OCIAD1: variants seen among roughly 807,000 people sequenced by gnomAD.
OCIAD1 encodes the protein OCIA domain containing 1, also known as OCIA domain-containing protein 1.
In OCIAD1, 29 loss-of-function variants were observed where a neutral mutation model predicts 38.9. The ratio of observed to expected loss-of-function variants is 0.74; its 90% CI spans 0.55 to 1.02. OCIAD1 has a LOEUF of 1.02. Among genes scored for constraint, OCIAD1 ranks in the 50% least tolerant of loss-of-function variants. The pLI, the probability that OCIAD1 is intolerant of heterozygous loss-of-function variation, is 0.00. For synonymous variants in OCIAD1, 110 were observed against 92.0 expected (o/e 1.20, Z -1.12); for missense variants, 288 against 289.6 (o/e 0.99, Z 0.04).
intron 1 of OCIAD1, among the ~76,000 whole-genome samples, chr4:48,812,225 G>A (rs1309174757): frequency 1.6e-5 from 2 of 126,756 alleles, no homozygotes; most frequent in African/African-American, 6.0e-5. Flanking sequence ...GGAGGTTGCA[G>A]TGAGCCGAAA....
At chr4:48,856,341 T>C (rs1010670068) in intron 7 of OCIAD1, 3 of 152,238 alleles carry the variant, frequency 2.0e-5, no homozygotes, top group Non-Finnish European at 2.9e-5. Flanking sequence ...ACAACACATA[T>C]TCTGATTAAA....
intron 1 of OCIAD1, chr4:48,831,460 G>A: frequency 7.8e-7 from 1 of 1,286,196 alleles, no homozygotes. Context: ...CGTGGTCACG[G>A]ATGCGTGTGG....
chr4:48,809,096 T>C (rs1223536185), intron 1 of OCIAD1, among the ~76,000 whole-genome samples: 2 of 152,254 alleles, frequency 1.3e-5, no homozygotes, highest in Non-Finnish European at 2.9e-5. Flanking sequence ...TTAGTTAATA[T>C]AGCTGTTTTC....
At position 48,820,273 on chromosome 4, in the gene OCIAD1, A is replaced by T. The variant is rs186411294; in HGVS notation, c.-102-10304A>T. On this transcript the variant is annotated intron_variant, in intron 1 of 6. Coordinates refer to the OCIAD1 transcript ENST00000504654. ...CACTCAAATCCGCACAACTACATGG[A>T]AATTGAACAATCTCCTCCTGAATGA... Among the ~76,000 whole-genome samples, 201 of 152,350 alleles carry T rather than the reference A, an allele frequency of 1.3e-3. 1 individual carries two copies. Among genetic ancestry groups the T allele is most frequent in the African/African-American group, 4.3e-3 (178 of 41,590 alleles).
intron 8 of OCIAD1, among the ~76,000 whole-genome samples, chr4:48,857,735 G>C (rs568097456): frequency 3.9e-5 from 6 of 151,988 alleles, no homozygotes; most frequent in Non-Finnish European, 8.8e-5. Context: ...GGATGGTCTC[G>C]ATCTTTTGAC....
intron 2 of OCIAD1, 129 bp from the exon 3 acceptor site, chr4:48,833,272 T>C (rs1437980967): frequency 8.0e-6 from 5 of 623,568 alleles, no homozygotes; most frequent in African/African-American, 1.9e-5. Context: ...AAAAAGTGCA[T>C]AAGCCAGTTG....
At chr4:48,859,873 T>TCAC (rs1780446262) in intron 8 of OCIAD1, among the ~76,000 whole-genome samples, 1 of 152,182 alleles carries the variant, frequency 6.6e-6, no homozygotes, top group Non-Finnish European at 1.5e-5. Flanking sequence ...CAGAGCAATG[T>TCAC]CACCACACAT....
chr4:48,858,136 G>A (rs575672095), intron 8 of OCIAD1, among the ~76,000 whole-genome samples: 19 of 152,090 alleles, frequency 1.2e-4, no homozygotes, highest in Admixed American at 3.3e-4. Context: ...CCTGGATGAC[G>A]GAGCGAGGCT....
intron 3 of OCIAD1, among the ~76,000 whole-genome samples, chr4:48,837,686 T>A (rs980840879): frequency 6.8e-6 from 1 of 146,724 alleles, no homozygotes; most frequent in African/African-American, 2.5e-5. Context: ...TTATATAGAG[T>A]AGATAGGATA....
intron 1 of OCIAD1, among the ~76,000 whole-genome samples, chr4:48,821,113 G>A (rs1209753210): frequency 6.6e-6 from 1 of 152,118 alleles, no homozygotes; most frequent in Non-Finnish European, 1.5e-5. Context: ...AAAATTTCTG[G>A]CCAATATCCC....
rs373679827 is a variant in OCIAD1 at position 48,850,124 on chromosome 4, A to G, written c.377+42A>G. The G allele has an allele frequency of 1.8e-5, 28 of 1,593,970 alleles. No individual in the cohort carries two copies. The African/African-American group carries it at 2.0e-4, about 12-fold the overall frequency. ...TCTTTACTTAAGATTTTTAATTTTT[A>G]AGAAACAACTAGATGTTGCTATAAC... On this transcript the variant is annotated intron_variant, in intron 6 of 8. Transcript: ENST00000264312.
rs766705642 is a variant in OCIAD1 at position 48,832,614 on chromosome 4, A to T, written c.-5-6A>T. On this transcript the variant is annotated splice_region_variant and splice_polypyrimidine_tract_variant and intron_variant, in intron 1 of 8. Transcript: ENST00000264312. ...TAATACTTAATATGTAATGTTTTTG[A>T]TACAGGAAAGATGAATGGGAGGGCT... The T allele has an allele frequency of 6.2e-7, 1 of 1,610,436 alleles. No homozygotes were observed. Among genetic ancestry groups the T allele is most frequent in the South Asian group, 1.1e-5 (1 of 91,010 alleles).
chr4:48,843,918 G>T (rs1045295185), intron 4 of OCIAD1, among the ~76,000 whole-genome samples: 24 of 152,134 alleles, frequency 1.6e-4, no homozygotes, highest in African/African-American at 3.9e-4. Flanking sequence ...GTTCACTGGA[G>T]GAAACAAATG....
intron 3 of OCIAD1, among the ~76,000 whole-genome samples, chr4:48,840,498 G>A (rs1778414634): frequency 6.6e-6 from 1 of 152,154 alleles, no homozygotes; most frequent in Admixed American, 6.5e-5. Flanking sequence ...AGACCTTAGC[G>A]TTTGTGCAAT....
intron 8 of OCIAD1, among the ~76,000 whole-genome samples, chr4:48,858,297 T>A (rs1780278450): frequency 6.6e-6 from 1 of 152,172 alleles, no homozygotes; most frequent in Non-Finnish European, 1.5e-5. Context: ...GATCTGATAG[T>A]CTTATTTTCC....
At chr4:48,858,566 A>T (rs1230734767) in intron 8 of OCIAD1, among the ~76,000 whole-genome samples, 1 of 152,004 alleles carries the variant, frequency 6.6e-6, no homozygotes, top group African/African-American at 2.4e-5. Context: ...CAGTCCTCCT[A>T]CCTCAGCTTC....
At chr4:48,828,463 A>G (rs1777273996), upstream of OCIAD1, among the ~76,000 whole-genome samples, 1 of 152,150 alleles carries the variant, frequency 6.6e-6, no homozygotes, top group African/African-American at 2.4e-5. Context: ...CCCCTTCCAC[A>G]CTGTGGAAGC....
intron 6 of OCIAD1, among the ~76,000 whole-genome samples, 161 bp from the exon 7 acceptor site, chr4:48,851,645 T>C (rs1779477675): frequency 6.6e-6 from 1 of 152,040 alleles, no homozygotes. Flanking sequence ...CACTGCACTA[T>C]AGCCTGGGTG....
intron 1 of OCIAD1, among the ~76,000 whole-genome samples, chr4:48,807,548 C>T (rs1367304593): frequency 6.6e-6 from 1 of 152,142 alleles, no homozygotes; most frequent in Non-Finnish European, 1.5e-5. Flanking sequence ...CTGACTCATA[C>T]TAAGTGTGTA....
Sources: allele counts gnomAD v4.1 joint callset (sites outside exome capture counted in the v4.1 genomes callset), GRCh38; gene constraint gnomAD v4.1.1; transcripts MANE v1.5; gene names NCBI Gene and HGNC (gene_info 2026-07-23, HGNC 2026-07-21).